The following LINC00305 variants were observed in gnomAD, a reference collection of about 807,000 sequenced individuals.
LINC00305 encodes long intergenic non-protein coding RNA 305.
At chr18:64,084,230 A>G (rs1747121439) in intron 3 of LINC00305, among the ~76,000 whole-genome samples, 1 of 152,236 alleles carries the variant, frequency 6.6e-6, no homozygotes, top group Non-Finnish European at 1.5e-5. Flanking sequence ...GGCATATAGT[A>G]TCAACTCAGT....
intron 3 of LINC00305, among the ~76,000 whole-genome samples, chr18:64,082,425 G>A (rs143400095): frequency 6.6e-6 from 1 of 152,284 alleles, no homozygotes; most frequent in East Asian, 1.9e-4. Context: ...TTTTTGGGGG[G>A]AGACTGATTT....
chr18:64,083,552 A>C (rs574354048), intron 3 of LINC00305, among the ~76,000 whole-genome samples: 2 of 152,344 alleles, frequency 1.3e-5, no homozygotes, highest in African/African-American at 2.4e-5. Context: ...ATCACACCAG[A>C]AACTTTATGT....
chr18:64,106,196 A>G (rs1324755746), intron 1 of LINC00305, among the ~76,000 whole-genome samples: 1 of 152,028 alleles, frequency 6.6e-6, no homozygotes, highest in Non-Finnish European at 1.5e-5. Context: ...TGTTGTGTAT[A>G]TTTTCTCCAG....
chr18:64,090,422 T>A (rs899757907), intron 3 of LINC00305, among the ~76,000 whole-genome samples: 9 of 152,182 alleles, frequency 5.9e-5, no homozygotes, highest in African/African-American at 2.2e-4. Context: ...ACCTACAATA[T>A]CAGTCCTCCA....
chr18:64,082,644 G>T (rs2051189521), intron 3 of LINC00305, among the ~76,000 whole-genome samples: 1 of 152,112 alleles, frequency 6.6e-6, no homozygotes, highest in Non-Finnish European at 1.5e-5. Context: ...TGTGAATTCT[G>T]TATCTATCCT....
chr18:64,140,852 T>C (rs2144278208), intron 1 of LINC00305, among the ~76,000 whole-genome samples: 1 of 151,134 alleles, frequency 6.6e-6, no homozygotes, highest in South Asian at 2.1e-4. Flanking sequence ...GGTAGGAGAG[T>C]TCATGGAGAG....
At chr18:64,109,334 G>T (rs890638044) in intron 1 of LINC00305, among the ~76,000 whole-genome samples, 1 of 152,154 alleles carries the variant, frequency 6.6e-6, no homozygotes, top group African/African-American at 2.4e-5. Context: ...TGGTGTGAAA[G>T]GTTGGAGAAA....
At position 64,143,918 on chromosome 18, in the gene LINC00305, A is replaced by T. The variant is rs563302230; in HGVS notation, n.314+4857T>A. ...CACACACAGATAATTCTTAATTCAAACATGCCAGAAATTTGGAGAATTTTT... is the reference window on the plus strand; with the variant it reads ...CACACACAGATAATTCTTAATTCAATCATGCCAGAAATTTGGAGAATTTTT... On this transcript the variant is annotated intron_variant and non_coding_transcript_variant, in intron 1 of 3. Coordinates refer to ENST00000666468, the Ensembl canonical transcript of LINC00305. Among the ~76,000 whole-genome samples the T allele has an allele frequency of 1.0e-3, 158 of 152,238 alleles. 1 individual carries two copies. The highest frequency in any genetic ancestry group is 3.7e-3 in the African/African-American group (155 of 41,558).
intron 1 of LINC00305, among the ~76,000 whole-genome samples, chr18:64,141,852 GA>G (rs1334467423): frequency 6.6e-6 from 1 of 152,140 alleles, no homozygotes; most frequent in African/African-American, 2.4e-5. Context: ...CTTTAAATGA[GA>G]ATATTCTCAC....
At chr18:64,087,112 T>C (rs2051206383) in intron 3 of LINC00305, among the ~76,000 whole-genome samples, 1 of 152,226 alleles carries the variant, frequency 6.6e-6, no homozygotes, top group Non-Finnish European at 1.5e-5. Flanking sequence ...TAGGAAATAA[T>C]TATTATACAC....
intron 1 of LINC00305, chr18:64,147,412 A>G (rs1431316551): frequency 4.6e-5 from 7 of 152,220 alleles, no homozygotes; most frequent in Non-Finnish European, 1.0e-4. Flanking sequence ...ATTTGCATGT[A>G]TGTAACACTT....
At chr18:64,094,532 A>T (rs2051237319) in intron 3 of LINC00305, among the ~76,000 whole-genome samples, 2 of 152,150 alleles carry the variant, frequency 1.3e-5, no homozygotes, top group Admixed American at 1.3e-4. Flanking sequence ...GCTGGTGGTG[A>T]GCCAGGCATC....
chr18:64,118,831 T>C (rs1157961865), intron 1 of LINC00305, among the ~76,000 whole-genome samples: 14 of 58,684 alleles, frequency 2.4e-4, no homozygotes, highest in Non-Finnish European at 4.9e-4. Context: ...GGTCTGTGTG[T>C]GTGTGTGTGT....
intron 3 of LINC00305, among the ~76,000 whole-genome samples, chr18:64,082,609 A>G (rs1003711940): frequency 2.6e-5 from 4 of 152,222 alleles, no homozygotes; most frequent in African/African-American, 9.6e-5. Flanking sequence ...TTAACCAGGA[A>G]TTCACATCAC....
chr18:64,102,824 A>G (rs561060880), intron 1 of LINC00305, among the ~76,000 whole-genome samples: 3 of 152,282 alleles, frequency 2.0e-5, no homozygotes, highest in East Asian at 1.9e-4. Flanking sequence ...AGAACTCACA[A>G]TACAGTATCA....
At chr18:64,122,829 A>T (rs995601568) in intron 1 of LINC00305, among the ~76,000 whole-genome samples, 3 of 151,986 alleles carry the variant, frequency 2.0e-5, no homozygotes, top group East Asian at 1.9e-4. Context: ...TGAGCAGGAG[A>T]TGTTTTTCCA....
At chr18:64,100,270 C>A (rs770587718) in intron 1 of LINC00305, among the ~76,000 whole-genome samples, 20 of 152,110 alleles carry the variant, frequency 1.3e-4, no homozygotes, top group African/African-American at 3.9e-4. Flanking sequence ...TTCTTTAACA[C>A]CCCCTCAAAG....
intron 1 of LINC00305, among the ~76,000 whole-genome samples, chr18:64,107,319 T>A (rs1427596743): frequency 1.3e-5 from 2 of 152,188 alleles, no homozygotes; most frequent in Non-Finnish European, 2.9e-5. Context: ...ACTGGGGACA[T>A]CTGCAGGAGA....
chr18:64,083,620 AC>A (rs1350744247), intron 3 of LINC00305, among the ~76,000 whole-genome samples: 1 of 152,232 alleles, frequency 6.6e-6, no homozygotes, highest in Non-Finnish European at 1.5e-5. Flanking sequence ...GCTGACGTGC[AC>A]ATGGGAACTC....
Sources: allele counts gnomAD v4.1 joint callset (sites outside exome capture counted in the v4.1 genomes callset), GRCh38; gene constraint gnomAD v4.1.1; transcripts MANE v1.5; gene names NCBI Gene and HGNC (gene_info 2026-07-23, HGNC 2026-07-21).